Variants in HS1BP3 observed in about 807,000 individuals in gnomAD.
HS1BP3 encodes HCLS1-binding protein 3.
A neutral mutation model predicts 33.5 loss-of-function variants in HS1BP3; 32 were observed. That is an observed-to-expected ratio of 0.95 (90% CI 0.72 to 1.28). HS1BP3 has a LOEUF of 1.28. HS1BP3 is among the 50% of genes most tolerant of loss of function. HS1BP3 has a pLI of 0.00. For synonymous variants in HS1BP3, 187 were observed against 209.2 expected (o/e 0.89, Z 0.92); for missense variants, 486 against 502.3 (o/e 0.97, Z 0.31).
At chr2:20,597,734 T>C (rs1362781074) in intron 3 of HS1BP3, among the ~76,000 whole-genome samples, 1 of 152,238 alleles carries the variant, frequency 6.6e-6, no homozygotes, top group Non-Finnish European at 1.5e-5. Flanking sequence ...TATGCATTTA[T>C]TATGGAAATC....
chr2:20,620,693 G>A (rs1694569349), intron 6 of HS1BP3, among the ~76,000 whole-genome samples: 1 of 152,238 alleles, frequency 6.6e-6, no homozygotes, highest in Non-Finnish European at 1.5e-5. Flanking sequence ...AAGTGGGATT[G>A]TACTTGCTCT....
At chr2:20,566,571 T>C (rs1433594513) in intron 5 of HS1BP3, among the ~76,000 whole-genome samples, 1 of 151,896 alleles carries the variant, frequency 6.6e-6, no homozygotes, top group Non-Finnish European at 1.5e-5. Flanking sequence ...GACAGGCAGC[T>C]GTGAGGCCAG....
At chr2:20,572,147 G>C (rs1309260165) in intron 5 of HS1BP3, among the ~76,000 whole-genome samples, 2 of 152,224 alleles carry the variant, frequency 1.3e-5, no homozygotes, top group Non-Finnish European at 2.9e-5. Flanking sequence ...TTTCCTTGAA[G>C]GGGCAGGGCG....
At chr2:20,596,793 C>T (rs367834555) in intron 3 of HS1BP3, among the ~76,000 whole-genome samples, 16 of 152,204 alleles carry the variant, frequency 1.1e-4, no homozygotes, top group African/African-American at 1.7e-4. Flanking sequence ...CCCATTTCTC[C>T]GTTTGTCCTA....
chr2:20,575,069 C>G (rs78364431), intron 5 of HS1BP3, among the ~76,000 whole-genome samples: 1 of 152,326 alleles, frequency 6.6e-6, no homozygotes, highest in Non-Finnish European at 1.5e-5. Flanking sequence ...ACAACGTAAA[C>G]GTCTGGATGC....
intron 2 of HS1BP3, among the ~76,000 whole-genome samples, chr2:20,643,714 C>A (rs1166146272): frequency 6.6e-6 from 1 of 151,846 alleles, no homozygotes; most frequent in Non-Finnish European, 1.5e-5. Context: ...TTAAGCCCAG[C>A]TTGAGGAGTT....
chr2:20,622,037 A>T, intron 6 of HS1BP3: 2 of 450,480 alleles, frequency 4.4e-6, no homozygotes, highest in Non-Finnish European at 7.2e-6. Flanking sequence ...CTAAACATCT[A>T]GACTAGAGGC....
At chr2:20,571,953 T>A (rs972972724) in intron 5 of HS1BP3, among the ~76,000 whole-genome samples, 2 of 152,194 alleles carry the variant, frequency 1.3e-5, no homozygotes, top group African/African-American at 4.8e-5. Flanking sequence ...TTCTCTCAGA[T>A]CCCCGCAGGC....
chr2:20,559,788 C>G (rs1692945653), downstream of HS1BP3, among the ~76,000 whole-genome samples: 1 of 152,124 alleles, frequency 6.6e-6, no homozygotes, highest in South Asian at 2.1e-4. Flanking sequence ...TCCAGCCCCT[C>G]TGCATCCAGG....
At position 20,624,853 on chromosome 2, in the gene HS1BP3, T is replaced by G. The variant is rs148439062; in HGVS notation, c.663A>C (p.Lys221Asn). The G allele has an allele frequency of 4.3e-4, 688 of 1,613,688 alleles. 1 individual carries two copies. Among genetic ancestry groups the G allele is most frequent in the Non-Finnish European group, 5.6e-4 (657 of 1,179,962 alleles). The change falls in exon 5 of 7, where the codon AAA becomes AAC. Residue 221 changes from lysine (K) to asparagine (N), a missense_variant. Lys to Asn is a moderately conservative substitution (Grantham distance 94). Coordinates refer to ENST00000304031, the MANE Select transcript of HS1BP3 (RefSeq NM_022460.4). ...TGGTGAGCCGGGGCGAGGGCTTGGC[T>G]TTCACGGCCACTTTGGGATGTTTCT... The part of the protein sequence containing the change: ...KPKKHPKVAV[K>N]AKPSPRLTIF...
intron 3 of HS1BP3, among the ~76,000 whole-genome samples, chr2:20,594,050 A>G (rs1693889147): frequency 6.6e-6 from 1 of 152,196 alleles, no homozygotes; most frequent in Non-Finnish European, 1.5e-5. Flanking sequence ...GCTGGTCCCC[A>G]GTTTTGTCAT....
chr2:20,618,686 G>T lies in HS1BP3; in HGVS notation c.*301C>A. 1 of 1,232,862 alleles carries T rather than the reference G, an allele frequency of 8.1e-7. No homozygotes were observed. The highest frequency in any genetic ancestry group is 1.0e-6 in the Non-Finnish European group (1 of 983,006). 76.4% of individuals were successfully genotyped at this position (1,232,862 alleles called of 1,614,324 possible). A position where few individuals can be genotyped will look rare whatever the true frequency, so the allele number is the denominator to read the frequency against. Reference sequence around the variant, plus strand: ...CCCACATGTCTTGCTTCATCCTTGGGGCTGGGCTTCTGGTTGGCAAGGCAT... The same window carrying T: ...CCCACATGTCTTGCTTCATCCTTGGTGCTGGGCTTCTGGTTGGCAAGGCAT... On this transcript the variant is annotated 3_prime_UTR_variant, in exon 7 of 7. Coordinates refer to ENST00000304031, the MANE Select transcript of HS1BP3 (RefSeq NM_022460.4).
downstream of HS1BP3, among the ~76,000 whole-genome samples, chr2:20,617,321 A>G (rs897956041): frequency 1.3e-5 from 2 of 152,120 alleles, no homozygotes. Flanking sequence ...TGAAGGGGGA[A>G]GGCAAATGGG....
chr2:20,641,245 C>T (rs925567358), intron 2 of HS1BP3, 65 bp from the exon 3 acceptor site: 17 of 1,449,520 alleles, frequency 1.2e-5, no homozygotes, highest in Middle Eastern at 3.6e-4. Context: ...TTTCTCACCC[C>T]GACCAGGGGT....
intron 4 of HS1BP3, among the ~76,000 whole-genome samples, chr2:20,626,437 A>T (rs1028905506): frequency 6.6e-6 from 1 of 152,228 alleles, no homozygotes; most frequent in African/African-American, 2.4e-5. Context: ...GTGTCTGCCC[A>T]AGGCCACACA....
At chr2:20,613,503 G>A (rs182236145), downstream of HS1BP3, among the ~76,000 whole-genome samples, 16 of 152,340 alleles carry the variant, frequency 1.1e-4, no homozygotes, top group African/African-American at 3.1e-4. Flanking sequence ...CTGGAGGAAG[G>A]AAGGAAGGAA....
At chr2:20,575,333 C>T (rs1693373335) in intron 5 of HS1BP3, among the ~76,000 whole-genome samples, 1 of 152,244 alleles carries the variant, frequency 6.6e-6, no homozygotes, top group African/African-American at 2.4e-5. Flanking sequence ...GCCAGAGACA[C>T]ATAGTGTCAA....
At position 20,619,193 on chromosome 2, in the gene HS1BP3, T is replaced by G; in HGVS notation, c.973A>C (p.Lys325Gln). The G allele has an allele frequency of 6.2e-7, 1 of 1,613,892 alleles. No individual in the cohort carries two copies. The highest frequency in any genetic ancestry group is 8.5e-7 in the Non-Finnish European group (1 of 1,179,870). Residue 325 changes from lysine (K) to glutamine (Q), a missense_variant, in exon 7 of 7, where the codon AAG becomes CAG. By Grantham distance (53) the Lys-to-Gln change is moderately conservative. Coordinates refer to ENST00000304031, the MANE Select transcript of HS1BP3 (RefSeq NM_022460.4). ...ILNLGAEPKP[K>Q]PQLKPKPPVA... ...GGTGGCTTGGGCTTAAGCTGGGGCT[T>G]GGGTTTGGGCTCAGCTCCCAGGTTC...
chr2:20,590,197 C>A (rs937448574), downstream of HS1BP3, among the ~76,000 whole-genome samples: 9 of 152,140 alleles, frequency 5.9e-5, no homozygotes, highest in Non-Finnish European at 1.3e-4. Context: ...GTTTGCACCC[C>A]CGGGCTCTGT....
Sources: allele counts gnomAD v4.1 joint callset (sites outside exome capture counted in the v4.1 genomes callset), GRCh38; gene constraint gnomAD v4.1.1; transcripts MANE v1.5; gene names NCBI Gene and HGNC (gene_info 2026-07-23, HGNC 2026-07-21).